The following FOXK2 variants were observed in gnomAD, a reference collection of about 807,000 sequenced individuals.
FOXK2 encodes forkhead box protein K2.
FOXK2 carries 24 observed loss-of-function variants against 53.3 expected under a neutral mutation model. The ratio of observed to expected loss-of-function variants is 0.45; its 90% CI spans 0.33 to 0.63. The LOEUF is 0.63. Ranked by LOEUF, FOXK2 falls within the 30% of genes least tolerant of loss-of-function variation. The pLI, the probability that FOXK2 is intolerant of heterozygous loss-of-function variation, is 0.03. For synonymous variants in FOXK2, 505 were observed against 407.1 expected (o/e 1.24, Z -2.89); for missense variants, 952 against 910.5 (o/e 1.05, Z -0.59).
chr17:82,552,559 T>C (rs956367704), intron 1 of FOXK2, among the ~76,000 whole-genome samples: 1 of 152,134 alleles, frequency 6.6e-6, no homozygotes, highest in Non-Finnish European at 1.5e-5. Context: ...TTCTGTGACA[T>C]TGATATTTTT....
chr17:82,586,247 A>G (rs1268115482), intron 7 of FOXK2, 47 bp downstream of exon 7: 38 of 592,156 alleles, frequency 6.4e-5, no homozygotes, highest in Middle Eastern at 4.6e-4. Flanking sequence ...GGGAGGTGAA[A>G]GGTGGGCCGG....
intron 8 of FOXK2, among the ~76,000 whole-genome samples, chr17:82,588,875 A>C: frequency 7.3e-6 from 1 of 136,488 alleles, no homozygotes; most frequent in African/African-American, 2.9e-5. Context: ...ATGGTGAAAC[A>C]CCATTTCTAC....
At chr17:82,546,595 C>T (rs1170987188) in intron 1 of FOXK2, among the ~76,000 whole-genome samples, 1 of 151,746 alleles carries the variant, frequency 6.6e-6, no homozygotes, top group African/African-American at 2.4e-5. Flanking sequence ...TGAAGTGCTG[C>T]GTCCCAGTGT....
intron 1 of FOXK2, among the ~76,000 whole-genome samples, chr17:82,523,730 G>A (rs1329433220): frequency 4.6e-5 from 7 of 151,976 alleles, no homozygotes; most frequent in Admixed American, 3.3e-4. Context: ...GCTCACCTCC[G>A]CCTCCCAAAG....
chr17:82,593,001 G>A (rs1450216037), intron 8 of FOXK2, among the ~76,000 whole-genome samples: 1 of 150,018 alleles, frequency 6.7e-6, no homozygotes, highest in Non-Finnish European at 1.5e-5. Flanking sequence ...CCCTGTACCG[G>A]GCAGAGGCTC....
rs769953241 is a variant in FOXK2 at position 82,601,380 on chromosome 17, G to A, written c.1864G>A (p.Asp622Asn). Reference sequence around the variant, plus strand: ...CCTGCCCACAAAGCGCCACAACGGTGACCAGCCGGAGCAGCCGGAGCTGAA... The same window carrying A: ...CCTGCCCACAAAGCGCCACAACGGTAACCAGCCGGAGCAGCCGGAGCTGAA... The part of the protein sequence containing the change: ...ASLPTKRHNG[D>N]QPEQPELKRI... Residue 622 changes from aspartate to asparagine, a missense_variant, in exon 9 of 9, where the codon GAC becomes AAC. By Grantham distance (23) the Asp-to-Asn change is conservative (BLOSUM62 1). This residue lies in a region of FOXK2 where 551 missense variants were observed against 385.1 expected (regional missense o/e 1.43). Transcript: ENST00000335255. 6.2e-7 allele frequency: 1 copy of A among 1,613,398 alleles called. No homozygotes were observed. Among genetic ancestry groups the A allele is most frequent in the Non-Finnish European group, 8.5e-7 (1 of 1,180,026 alleles).
intron 1 of FOXK2, among the ~76,000 whole-genome samples, chr17:82,522,898 A>G (rs947478959): frequency 2.0e-5 from 3 of 151,528 alleles, no homozygotes; most frequent in Non-Finnish European, 4.4e-5. Context: ...TGGTTCAAGC[A>G]ATTCTTGTGC....
chr17:82,586,254 C>CT, intron 7 of FOXK2, 54 bp downstream of exon 7: 1 of 162,490 alleles, frequency 6.2e-6, no homozygotes, highest in Non-Finnish European at 9.7e-6. Flanking sequence ...GAAAGGTGGG[C>CT]CGGGGGGGGA....
At chr17:82,542,967 G>C (rs145646468) in intron 1 of FOXK2, among the ~76,000 whole-genome samples, 1 of 152,182 alleles carries the variant, frequency 6.6e-6, no homozygotes, top group Non-Finnish European at 1.5e-5. Context: ...GCAGTGAGCC[G>C]TGATTGCAGA....
intron 1 of FOXK2, among the ~76,000 whole-genome samples, chr17:82,534,860 C>T (rs1425834792): frequency 6.6e-6 from 1 of 152,230 alleles, no homozygotes; most frequent in Admixed American, 6.5e-5. Context: ...CACAAATCTA[C>T]CTGTTAATTA....
At chr17:82,564,246 C>T (rs2044830014) in intron 2 of FOXK2, among the ~76,000 whole-genome samples, 1 of 151,930 alleles carries the variant, frequency 6.6e-6, no homozygotes, top group South Asian at 2.1e-4. Flanking sequence ...TGCCACCATA[C>T]CCGGCTAATT....
intron 4 of FOXK2, among the ~76,000 whole-genome samples, chr17:82,572,368 A>G (rs958763534): frequency 6.6e-6 from 1 of 152,182 alleles, no homozygotes; most frequent in Non-Finnish European, 1.5e-5. Context: ...TAAAAAACAG[A>G]TGAACGTGGT....
intron 8 of FOXK2, among the ~76,000 whole-genome samples, chr17:82,592,573 C>T (rs937602191): frequency 6.6e-6 from 1 of 152,264 alleles, no homozygotes; most frequent in African/African-American, 2.4e-5. Flanking sequence ...ACATTCTCCT[C>T]AGGCCCTGCC....
chr17:82,571,367 G>A (rs1171237899), intron 3 of FOXK2, among the ~76,000 whole-genome samples: 2 of 152,164 alleles, frequency 1.3e-5, no homozygotes, highest in African/African-American at 2.4e-5. Context: ...TTGGGAGGCC[G>A]AGGCAGGCGG....
intron 1 of FOXK2, among the ~76,000 whole-genome samples, chr17:82,549,931 A>G (rs542009053): frequency 1.3e-5 from 2 of 152,334 alleles, no homozygotes; most frequent in African/African-American, 2.4e-5. Flanking sequence ...GGCCGGGCCC[A>G]GTGGCTCATG....
Position 82,568,143 on chromosome 17 carries a change from T to C in FOXK2, c.704T>C (p.Met235Thr), listed in dbSNP as rs1287274331. ...GRVMPSDLNL[M>T]ADNSQPENEK... Reference sequence around the variant, plus strand: ...GTGATGCCATCTGACCTCAATTTAATGGCTGACAACTCACAGCCTGAAAAT... The same window carrying C: ...GTGATGCCATCTGACCTCAATTTAACGGCTGACAACTCACAGCCTGAAAAT... The change falls in exon 3 of 9, where the codon ATG (methionine) becomes ACG (threonine). Residue 235 changes from methionine to threonine, a missense_variant. By Grantham distance (81) the Met-to-Thr change is moderately conservative. Coordinates refer to ENST00000335255, the MANE Select transcript of FOXK2 (RefSeq NM_004514.4). The C allele has an allele frequency of 6.2e-7, 1 of 1,613,822 alleles. No homozygotes were observed. The highest frequency in any genetic ancestry group is 1.7e-5 in the Admixed American group (1 of 59,998).
In FOXK2 at chr17:82,603,827, T is replaced by C. The variant is rs2045416520; in HGVS notation, c.*2328T>C. The C allele has an allele frequency of 6.6e-6, 1 of 151,856 alleles. No homozygotes were observed. Among genetic ancestry groups the C allele is most frequent in the African/African-American group, 2.4e-5 (1 of 41,330 alleles). The allele number at this position is 151,856 out of a possible 1,614,324, so 9.4% of individuals were successfully genotyped here. A position where few individuals can be genotyped will look rare whatever the true frequency, so the allele number is the denominator to read the frequency against. The stretch of plus-strand genomic sequence containing the variant: ...ACACGCTCCTGTCTCCTCCTCACTC[T>C]GCCACGTTCACTTGGCTTTTTCATT... On this transcript the variant is annotated 3_prime_UTR_variant, in exon 9 of 9. Transcript: ENST00000335255.
In FOXK2 at chr17:82,603,715, G is replaced by A. The variant is rs1196355802; in HGVS notation, c.*2216G>A. ...CATTCAAATGGTAAAGAAGGGAGGA[G>A]GGTGTTTTTTTTTTTTTTTTTTGCC... On this transcript the variant is annotated 3_prime_UTR_variant, in exon 9 of 9. Coordinates refer to ENST00000335255, the MANE Select transcript of FOXK2 (RefSeq NM_004514.4). 3.0e-5 allele frequency: 3 copies of A among 101,338 alleles called. No homozygotes were observed. Among genetic ancestry groups the A allele is most frequent in the African/African-American group, 1.1e-4 (3 of 27,592 alleles). 6.3% of individuals were successfully genotyped at this position (101,338 alleles called of 1,614,324 possible). A position where few individuals can be genotyped will look rare whatever the true frequency, so the allele number is the denominator to read the frequency against.
intron 1 of FOXK2, among the ~76,000 whole-genome samples, chr17:82,520,687 A>G (rs1338997283): frequency 6.6e-6 from 1 of 152,134 alleles, no homozygotes; most frequent in Non-Finnish European, 1.5e-5. Flanking sequence ...GGTGGGAGGA[A>G]CTGCCCCGAA....
Sources: allele counts gnomAD v4.1 joint callset (sites outside exome capture counted in the v4.1 genomes callset), GRCh38; gene constraint gnomAD v4.1.1; regional missense constraint gnomAD v4.1.1; transcripts MANE v1.5; gene names NCBI Gene and HGNC (gene_info 2026-07-23, HGNC 2026-07-21).